Variants in DRG2 observed in about 807,000 individuals in gnomAD.
DRG2 encodes developmentally-regulated GTP-binding protein 2.
A neutral mutation model predicts 53.4 loss-of-function variants in DRG2; 36 were observed. The observed-to-expected ratio is 0.67, with a 90% confidence interval of 0.52 to 0.89. The LOEUF (loss-of-function observed/expected upper bound fraction) is 0.89, where lower values mean the gene tolerates loss of function less well. Among genes scored for constraint, DRG2 ranks in the 40% least tolerant of loss-of-function variants. DRG2 has a pLI of 0.00. For missense variants in DRG2, 342 were observed against 481.2 expected (o/e 0.71, Z 2.71); for synonymous variants, 167 against 192.1 (o/e 0.87, Z 1.08).
chr17:18,107,355 C>A lies in DRG2; in HGVS notation c.*115C>A. 2 of 1,015,322 alleles carry A rather than the reference C, an allele frequency of 2.0e-6. No homozygotes were observed. Among genetic ancestry groups the A allele is most frequent in the Non-Finnish European group, 2.9e-6 (2 of 679,272 alleles). 62.9% of individuals were successfully genotyped at this position (1,015,322 alleles called of 1,614,324 possible). On this transcript the variant is annotated 3_prime_UTR_variant, in exon 13 of 13. Coordinates refer to ENST00000225729, the MANE Select transcript of DRG2 (RefSeq NM_001388.5). ...AAATACACGTACCCCAGGAAGGGGT[C>A]CCTCAAGTCTCTGCTATTTACAGAA... is the stretch of plus-strand genomic sequence containing the variant.
chr17:18,095,835 T>G (rs981104775), intron 2 of DRG2: 18 of 152,280 alleles, frequency 1.2e-4, no homozygotes, highest in Admixed American at 1.2e-3. Flanking sequence ...GATCTGTTCT[T>G]GCCTCAAGTC....
At chr17:18,090,028 A>G (rs1331774641) in intron 1 of DRG2, among the ~76,000 whole-genome samples, 1 of 152,008 alleles carries the variant, frequency 6.6e-6, no homozygotes, top group Non-Finnish European at 1.5e-5. Flanking sequence ...ATAAGACCCA[A>G]GGAAAGTCAC....
intron 2 of DRG2, chr17:18,096,116 C>T (rs958741147): frequency 6.6e-6 from 1 of 152,220 alleles, no homozygotes; most frequent in Non-Finnish European, 1.5e-5. Context: ...ATTTTTATCA[C>T]ATCGCATGAA....
Position 18,100,483 on chromosome 17 carries a change from A to G in DRG2, c.540+48A>G, listed in dbSNP as rs1031675763. 4 of 1,613,932 alleles carry G rather than the reference A, an allele frequency of 2.5e-6. No homozygotes were observed. Among genetic ancestry groups the G allele is most frequent in the Admixed American group, 1.7e-5 (1 of 60,016 alleles). On this transcript the variant is annotated intron_variant, in intron 6 of 12. Coordinates refer to ENST00000225729, the MANE Select transcript of DRG2 (RefSeq NM_001388.5). The surrounding 1 kb of genome is among the most constrained non-coding windows in gnomAD (Gnocchi z 4.1). Reference sequence around the variant, plus strand: ...AGGCCAGGGGTGTGGCAGTTTTGAGACTGCATTGGCTGGCGGCTGAGGCTG... The same window carrying G: ...AGGCCAGGGGTGTGGCAGTTTTGAGGCTGCATTGGCTGGCGGCTGAGGCTG...
At chr17:18,104,766 G>C (rs886342987) in intron 11 of DRG2, 85 bp downstream of exon 11, 1 of 1,600,970 alleles carries the variant, frequency 6.2e-7, no homozygotes, top group Non-Finnish European at 8.5e-7. Context: ...GCCCTGGGCT[G>C]GGGGTGGGCT....
chr17:18,101,899 G>T lies in DRG2; in HGVS notation c.730-22G>T, dbSNP rs772826612. 2.5e-6 allele frequency: 4 copies of T among 1,604,638 alleles called. No homozygotes were observed. In the Admixed American group the frequency reaches 5.0e-5, roughly 20 times the overall value. On this transcript the variant is annotated intron_variant, in intron 8 of 12. Coordinates refer to ENST00000225729, the MANE Select transcript of DRG2 (RefSeq NM_001388.5). ...TGCCTTGCTCCTGTCCTCAGCACCG[G>T]CCTCCACCTTCTCAATCTCAGGTTT...
At position 18,090,381 on chromosome 17, in the gene DRG2, TATATATATATATATA is replaced by T. The variant is rs2045298734; in HGVS notation, c.64+2295_64+2309del. Among the ~76,000 whole-genome samples, 12 of 17,618 alleles carry T rather than the reference TATATATATATATATA, an allele frequency of 6.8e-4. 1 individual carries two copies. Among genetic ancestry groups the T allele is most frequent in the South Asian group, 6.3e-3 (5 of 792 alleles). The allele number at this position is 17,618 out of a possible 152,430, so 11.6% of individuals were successfully genotyped here. ...CACCGGGCTAATTTATATATATATATATATATATATATATATATATATATATTTTTTTTTTTTTTT... is the reference window on the plus strand; with the variant it reads ...CACCGGGCTAATTTATATATATATATTATATATATATTTTTTTTTTTTTTT... On this transcript the variant is annotated intron_variant, in intron 1 of 12. Transcript: ENST00000225729.
chr17:18,087,985 G>T lies in DRG2; in HGVS notation c.-39G>T. 6.5e-7 allele frequency: 1 copy of T among 1,542,248 alleles called. No homozygotes were observed. ...CCGTCAGACCGGAATTGCCGGTGCC[G>T]CCGCCACCGCTGTCTGTGCGCCCAC... On this transcript the variant is annotated 5_prime_UTR_variant, in exon 1 of 13. Transcript: ENST00000225729.
chr17:18,106,219 G>A (rs1184260084), intron 11 of DRG2: 2 of 595,598 alleles, frequency 3.4e-6, no homozygotes, highest in East Asian at 2.8e-5. Context: ...TGGCAGATCA[G>A]GAGTGGGAAT....
chr17:18,103,829 C>T lies in DRG2; in HGVS notation c.835C>T (p.Leu279=). The change falls in exon 10 of 13, where the codon CTG becomes TTG. Residue 279 remains leucine (L), a synonymous_variant. Transcript: ENST00000225729. This position sits in a 1 kb window ranked among gnomAD's most constrained non-coding sequence, Gnocchi z 4.4. The part of the protein sequence containing the change: ...SCGMKLNLDY[L]LEMLWEYLAL... ...CGGCATGAAGCTGAACCTGGACTAT[C>T]TGCTGGAGATGCTTTGGGAGTACTT... 6.2e-7 allele frequency: 1 copy of T among 1,614,162 alleles called. No homozygotes were observed.
rs61256737 is a variant in DRG2, at chr17:18,101,531, T to C, written c.670T>C (p.Ser224Pro). 2.5e-6 allele frequency: 4 copies of C among 1,614,000 alleles called. No individual in the cohort carries two copies. The highest frequency in any genetic ancestry group is 3.4e-6 in the Non-Finnish European group (4 of 1,180,038). ...NAEVLFREDC[S>P]PDEFIDVIVG... is the part of the protein sequence containing the mutation. ...AGAAGTGCTTTTCCGAGAAGACTGCTCCCCGGACGAGTTCATCGATGTGAT... is the reference window on the plus strand; with the variant it reads ...AGAAGTGCTTTTCCGAGAAGACTGCCCCCCGGACGAGTTCATCGATGTGAT... Residue 224 changes from serine to proline, a missense_variant, in exon 8 of 13, where the codon TCC becomes CCC. Physicochemically the swap from Ser to Pro is moderately conservative, Grantham distance 74. Transcript: ENST00000225729.
At chr17:18,088,483 A>G (rs2045256000) in intron 1 of DRG2, among the ~76,000 whole-genome samples, 1 of 152,248 alleles carries the variant, frequency 6.6e-6, no homozygotes, top group African/African-American at 2.4e-5. Context: ...AGCCTCACCC[A>G]GCAGCTGAGA....
intron 9 of DRG2, among the ~76,000 whole-genome samples, chr17:18,102,247 G>A (rs962097476): frequency 1.6e-4 from 25 of 152,342 alleles, no homozygotes; most frequent in African/African-American, 2.4e-4. Flanking sequence ...CTGAATTGCC[G>A]TGGGCAGGGT....
At position 18,103,654 on chromosome 17, in the gene DRG2, G is replaced by A. The variant is rs2045577367; in HGVS notation, c.807-147G>A. On this transcript the variant is annotated intron_variant, in intron 9 of 12. Transcript: ENST00000225729. The surrounding 1 kb of genome is among the most constrained non-coding windows in gnomAD (Gnocchi z 4.4). ...GCACTGGCAGCAGAAACATCAGGCTGCCATCATAGTAATGGGCTTGTTTCC... is the reference window on the plus strand; with the variant it reads ...GCACTGGCAGCAGAAACATCAGGCTACCATCATAGTAATGGGCTTGTTTCC... 2 of 703,222 alleles carry A rather than the reference G, an allele frequency of 2.8e-6. No individual in the cohort carries two copies. Among genetic ancestry groups the A allele is most frequent in the East Asian group, 5.1e-5 (2 of 39,284 alleles). The allele number at this position is 703,222 out of a possible 1,614,324, so 43.6% of individuals were successfully genotyped here.
intron 11 of DRG2, among the ~76,000 whole-genome samples, chr17:18,105,003 A>G (rs965089782): frequency 6.6e-6 from 1 of 152,212 alleles, no homozygotes. Context: ...CCCTGCTTCC[A>G]TGCCATTCAG....
intron 11 of DRG2, chr17:18,106,124 G>A: frequency 2.3e-6 from 1 of 434,534 alleles, no homozygotes. Flanking sequence ...ATCTGTTCAG[G>A]CAAGGCAAGC....
chr17:18,093,679 A>AT (rs746087628), intron 1 of DRG2, 134 bp from the exon 2 acceptor site: 44,244 of 793,632 alleles, frequency 0.056, no homozygotes, highest in South Asian at 0.065. Flanking sequence ...AAGCAGAGAG[A>AT]TTTTTTTTTT....
At position 18,101,998 on chromosome 17, in the gene DRG2, G is replaced by T. The variant is rs2045546857; in HGVS notation, c.806+1G>T. On this transcript the variant is annotated splice_donor_variant, in intron 9 of 12. Transcript: ENST00000225729. LOFTEE classifies it high-confidence loss of function. Reference sequence around the variant, plus strand: ...GAAAACCCAACAGTGTGGTCATCAGGTGAGGCCACTGGCATCCTGCCACTC... The same window carrying T: ...GAAAACCCAACAGTGTGGTCATCAGTTGAGGCCACTGGCATCCTGCCACTC... The T allele has an allele frequency of 1.2e-6, 2 of 1,606,298 alleles. No homozygotes were observed. Among genetic ancestry groups the T allele is most frequent in the Non-Finnish European group, 8.5e-7 (1 of 1,176,240 alleles).
intron 9 of DRG2, among the ~76,000 whole-genome samples, chr17:18,102,754 G>A (rs1261778367): frequency 6.6e-6 from 1 of 152,032 alleles, no homozygotes; most frequent in Non-Finnish European, 1.5e-5. Context: ...AGCTCAAAGG[G>A]AAAAAGGGAA....
Sources: gnomAD v4.1 joint callset for allele counts (sites outside exome capture counted in the v4.1 genomes callset) on GRCh38, gnomAD v4.1.1 for gene constraint, Gnocchi (gnomAD v3.1) non-coding constraint, MANE v1.5 for transcripts, NCBI Gene and HGNC (gene_info 2026-07-23, HGNC 2026-07-21) for gene names.